VAV2: variants seen among roughly 807,000 people sequenced by gnomAD.
VAV2 encodes the protein vav guanine nucleotide exchange factor 2.
In VAV2, 67 loss-of-function variants were observed where a neutral mutation model predicts 132.5. That is an observed-to-expected ratio of 0.51 (90% CI 0.42 to 0.62). VAV2 has a LOEUF of 0.62. Among genes scored for constraint, VAV2 ranks in the 20% least tolerant of loss-of-function variants. The probability of loss-of-function intolerance (pLI) is 0.00; values close to 1 mark genes in which losing one functional copy is unlikely to be tolerated. For synonymous variants in VAV2, 492 were observed against 443.5 expected (o/e 1.11, Z -1.37); for missense variants, 938 against 1,153.6 (o/e 0.81, Z 2.71).
chr9:133,934,098 A>C (rs1840815889), intron 2 of VAV2, among the ~76,000 whole-genome samples: 1 of 151,614 alleles, frequency 6.6e-6, no homozygotes, highest in Non-Finnish European at 1.5e-5. Flanking sequence ...GAATGGCTGG[A>C]TGGATGGATG....
chr9:133,842,141 A>G (rs1836750662), intron 3 of VAV2, among the ~76,000 whole-genome samples: 1 of 152,234 alleles, frequency 6.6e-6, no homozygotes, highest in Non-Finnish European at 1.5e-5. Context: ...GCCATCATGC[A>G]CAGAGTCTAG....
At position 133,794,133 on chromosome 9, in the gene VAV2, G is replaced by A. The variant is rs1390370377; in HGVS notation, c.1101+1535C>T. Among the ~76,000 whole-genome samples, 1 of 152,046 alleles carries A rather than the reference G, an allele frequency of 6.6e-6. No homozygotes were observed. Among genetic ancestry groups the A allele is most frequent in the Non-Finnish European group, 1.5e-5 (1 of 68,016 alleles). On this transcript the variant is annotated intron_variant, in intron 12 of 29. Transcript: ENST00000371850. This position sits in a 1 kb window ranked among gnomAD's most constrained non-coding sequence, Gnocchi z 4.6. Reference sequence around the variant, plus strand: ...AAACGCAAGACCACACTCAGGGCCCGGGTGCACGGCCCACTGCACCTGCTG... The same window carrying A: ...AAACGCAAGACCACACTCAGGGCCCAGGTGCACGGCCCACTGCACCTGCTG...
At chr9:133,940,708 T>TGTGTGTGTGTGTGTGTGTGTGTG (rs59859289) in intron 1 of VAV2, among the ~76,000 whole-genome samples, 2 of 149,826 alleles carry the variant, frequency 1.3e-5, no homozygotes, top group Non-Finnish European at 3.0e-5. Context: ...TGTGTGTGTG[T>TGTGTGTGTGTGTGTGTGTGTGTG]TTCTGAACAC....
At chr9:133,973,456 C>T (rs555733270) in intron 1 of VAV2, among the ~76,000 whole-genome samples, 27 of 152,320 alleles carry the variant, frequency 1.8e-4, no homozygotes, top group Non-Finnish European at 3.8e-4. Flanking sequence ...CATCCCTATG[C>T]CGCTGGCCTC....
Position 133,788,363 on chromosome 9 carries a change from G to A in VAV2, c.1398C>T (p.Asp466=), listed in dbSNP as rs376060225. 1.2e-5 allele frequency: 19 copies of A among 1,605,968 alleles called. No homozygotes were observed. Among genetic ancestry groups the A allele is most frequent in the African/African-American group, 1.1e-4 (8 of 74,886 alleles). ...KMTDDPMNNK[D]VKKSHGKMWS... is the part of the protein sequence containing the mutation. ...ACCCGGAAGGCCCCACCTTCTTGAC[G>A]TCCTTGTTGTTCATGGGGTCGTCGG... Residue 466 remains aspartate (D), a synonymous_variant, in exon 15 of 30, where the codon GAC becomes GAT. Coordinates refer to ENST00000371850, the MANE Select transcript of VAV2 (RefSeq NM_001134398.2). This position sits in a 1 kb window ranked among gnomAD's most constrained non-coding sequence, Gnocchi z 5.3.
intron 2 of VAV2, among the ~76,000 whole-genome samples, chr9:133,903,714 C>T (rs987477030): frequency 2.0e-5 from 3 of 152,182 alleles, no homozygotes; most frequent in East Asian, 1.9e-4. Flanking sequence ...CAAGCGTGGG[C>T]GTCACTGAAA....
In VAV2 at chr9:133,821,372, C is replaced by A. The variant is rs565673935; in HGVS notation, c.450-9156G>T. The stretch of plus-strand genomic sequence containing the variant: ...CCTGGAGGGGAGGCAGCGAGGGAAA[C>A]TAGGGTTGTCTTTGTAGCCCTTCCT... On this transcript the variant is annotated intron_variant, in intron 4 of 29. Transcript: ENST00000371850. Among the ~76,000 whole-genome samples the A allele has an allele frequency of 5.9e-5, 9 of 152,302 alleles. No individual in the cohort carries two copies. The South Asian group carries it at 1.9e-3, about 32-fold the overall frequency.
chr9:133,883,415 G>T lies in VAV2; in HGVS notation c.322-21983C>A, dbSNP rs905277396. Among the ~76,000 whole-genome samples, 1 of 152,122 alleles carries T rather than the reference G, an allele frequency of 6.6e-6. No homozygotes were observed. Among genetic ancestry groups the T allele is most frequent in the African/African-American group, 2.4e-5 (1 of 41,398 alleles). On this transcript the variant is annotated intron_variant, in intron 2 of 29. Coordinates refer to ENST00000371850, the MANE Select transcript of VAV2 (RefSeq NM_001134398.2). This position sits in a 1 kb window ranked among gnomAD's most constrained non-coding sequence, Gnocchi z 4.2. ...AGTGGGCAGTCAGGGCCAGGGAGAG[G>T]AACAGAGCCGAGTCAGCTGCTGACC...
intron 1 of VAV2, among the ~76,000 whole-genome samples, chr9:133,978,786 G>A (rs1842597547): frequency 6.6e-6 from 1 of 152,216 alleles, no homozygotes; most frequent in African/African-American, 2.4e-5. Context: ...GCCCAGTCCT[G>A]TCCCCTCCAC....
intron 4 of VAV2, among the ~76,000 whole-genome samples, chr9:133,832,186 C>G (rs2486348): frequency 0.11 from 16,559 of 152,220 alleles, 2,351 homozygotes; most frequent in African/African-American, 0.33. Flanking sequence ...CCCTAATCAC[C>G]GTGCACCCCT....
intron 2 of VAV2, among the ~76,000 whole-genome samples, chr9:133,872,577 G>T (rs943342373): frequency 6.6e-6 from 1 of 152,226 alleles, no homozygotes; most frequent in Non-Finnish European, 1.5e-5. Context: ...CTGGAGCAGA[G>T]GCAGGAAGGC....
intron 1 of VAV2, among the ~76,000 whole-genome samples, chr9:133,974,907 T>G (rs1842456379): frequency 6.6e-6 from 1 of 152,012 alleles, no homozygotes; most frequent in South Asian, 2.1e-4. Context: ...GCCAACAGTT[T>G]CCCTCAAGGT....
chr9:133,937,224 T>C (rs1428242059), intron 2 of VAV2, among the ~76,000 whole-genome samples: 1 of 152,098 alleles, frequency 6.6e-6, no homozygotes, highest in African/African-American at 2.4e-5. Flanking sequence ...GTGTGTGATA[T>C]GTCCGTGTTG....
chr9:133,957,020 C>T (rs1013400717), intron 1 of VAV2, among the ~76,000 whole-genome samples: 2 of 152,204 alleles, frequency 1.3e-5, no homozygotes, highest in African/African-American at 4.8e-5. Flanking sequence ...AGCTCCCCAC[C>T]CAGCTCCCCA....
intron 2 of VAV2, among the ~76,000 whole-genome samples, chr9:133,921,055 G>T (rs1484409643): frequency 6.6e-6 from 1 of 152,198 alleles, no homozygotes; most frequent in Non-Finnish European, 1.5e-5. Flanking sequence ...AATGTCGTTG[G>T]CTTAATATGC....
chr9:133,773,770 C>T (rs756961187), intron 25 of VAV2, among the ~76,000 whole-genome samples: 8 of 152,058 alleles, frequency 5.3e-5, no homozygotes, highest in Non-Finnish European at 1.2e-4. Flanking sequence ...AAGGAGTATG[C>T]TCTAAAATAA....
intron 4 of VAV2, among the ~76,000 whole-genome samples, chr9:133,821,349 TG>T (rs1588222766): frequency 6.6e-6 from 1 of 152,194 alleles, no homozygotes; most frequent in East Asian, 1.9e-4. Context: ...CCTGAGCCCC[TG>T]GAGGGGAGGC....
At position 133,771,935 on chromosome 9, in the gene VAV2, C is replaced by T. The variant is rs373500982; in HGVS notation, c.2223+24G>A. The T allele has an allele frequency of 1.8e-4, 290 of 1,611,678 alleles. No homozygotes were observed. In the African/African-American group the frequency reaches 2.8e-3, roughly 16 times the overall value. On this transcript the variant is annotated intron_variant, in intron 26 of 29. Transcript: ENST00000371850. ...TGTCCCCTGTGGCTGGGGTGGGAGC[C>T]GGCCGGAGCCAGAAGTCACCTACCA...
intron 1 of VAV2, among the ~76,000 whole-genome samples, chr9:133,953,703 G>A (rs557330672): frequency 6.6e-6 from 1 of 152,188 alleles, no homozygotes; most frequent in African/African-American, 2.4e-5. Context: ...TCAGGCACAG[G>A]GTGGGGCACC....
Sources: allele counts gnomAD v4.1 joint callset (sites outside exome capture counted in the v4.1 genomes callset), GRCh38; gene constraint gnomAD v4.1.1; non-coding constraint Gnocchi (gnomAD v3.1); transcripts MANE v1.5; gene names NCBI Gene and HGNC (gene_info 2026-07-23, HGNC 2026-07-21).